NIPAL3: variants seen among roughly 807,000 people sequenced by gnomAD.
NIPAL3 encodes the protein NIPA like domain containing 3.
NIPAL3 carries 41 observed loss-of-function variants against 47.2 expected under a neutral mutation model. That is an observed-to-expected ratio of 0.87 (90% CI 0.68 to 1.13). The LOEUF is 1.13. Among genes scored for constraint, NIPAL3 ranks in the 50% most tolerant of loss-of-function variants. NIPAL3 has a pLI of 0.00. For synonymous variants in NIPAL3, 194 were observed against 209.6 expected, an observed-to-expected ratio of 0.93 and a Z score of 0.64; for missense variants, 449 against 530.1, an observed-to-expected ratio of 0.85 and a Z score of 1.50.
rs1032980356 is a variant in NIPAL3 at position 24,456,276 on chromosome 1, G to C, written c.773+3G>C. 6.2e-7 allele frequency: 1 copy of C among 1,614,082 alleles called. No individual in the cohort carries two copies. The highest frequency in any genetic ancestry group is 1.3e-5 in the African/African-American group (1 of 74,932). On this transcript the variant is annotated splice_donor_region_variant and intron_variant, in intron 8 of 11. Coordinates refer to ENST00000374399, the MANE Select transcript of NIPAL3 (RefSeq NM_020448.5). The stretch of plus-strand genomic sequence containing the variant: ...GCAACCGCCGTCTATCAGGCTGCGT[G>C]AGTTACAAATCCTTTTCCTGCTGGG...
At chr1:24,440,276 G>C in intron 3 of NIPAL3, 36 bp downstream of exon 3, 6 of 1,494,438 alleles carry the variant, frequency 4.0e-6, no homozygotes, top group South Asian at 1.3e-5. Context: ...TGGGGACAGA[G>C]ACACAGCAGA....
Position 24,416,096 on chromosome 1 carries a change from G to C in NIPAL3, c.-258+192G>C. 1 of 985,502 alleles carries C rather than the reference G, an allele frequency of 1.0e-6. No homozygotes were observed. The highest frequency in any genetic ancestry group is 4.7e-5 in the South Asian group (1 of 21,280). 61.0% of individuals were successfully genotyped at this position (985,502 alleles called of 1,614,324 possible). On this transcript the variant is annotated intron_variant, in intron 1 of 11. Transcript: ENST00000374399. This position sits in a 1 kb window ranked among gnomAD's most constrained non-coding sequence, Gnocchi z 4.8. Reference sequence around the variant, plus strand: ...TGCATCGAGGCCAAGAGGAGCGGGGGCATGGGCTACCTTACTAAAGGTGAT... The same window carrying C: ...TGCATCGAGGCCAAGAGGAGCGGGGCCATGGGCTACCTTACTAAAGGTGAT...
chr1:24,468,591 T>C lies in NIPAL3; in HGVS notation c.1022-395T>C, dbSNP rs144603263. Among the ~76,000 whole-genome samples the C allele has an allele frequency of 2.7e-3, 415 of 152,306 alleles. 4 individuals are homozygous for C. The highest frequency in any genetic ancestry group is 9.2e-3 in the African/African-American group (384 of 41,558). On this transcript the variant is annotated intron_variant, in intron 11 of 11. Coordinates refer to ENST00000374399, the MANE Select transcript of NIPAL3 (RefSeq NM_020448.5). ...TGCCCATGACACAAAAATTACCCTC[T>C]TTCCTCGACAGTGTAACAAAGTTTC...
chr1:24,446,696 A>G (rs1165316844), intron 5 of NIPAL3, among the ~76,000 whole-genome samples: 1 of 152,078 alleles, frequency 6.6e-6, no homozygotes, highest in South Asian at 2.1e-4. Flanking sequence ...GGTTGATTCT[A>G]TGTCTTTGCT....
chr1:24,453,844 A>G (rs574899500), intron 7 of NIPAL3, among the ~76,000 whole-genome samples: 1 of 152,300 alleles, frequency 6.6e-6, no homozygotes, highest in African/African-American at 2.4e-5. Context: ...GTAGTAGTAG[A>G]GCATGCCCCA....
Position 24,440,166 on chromosome 1 carries a change from T to A in NIPAL3, c.94-6T>A. 6.3e-7 allele frequency: 1 copy of A among 1,579,200 alleles called. No individual in the cohort carries two copies. Among genetic ancestry groups the A allele is most frequent in the Non-Finnish European group, 8.6e-7 (1 of 1,163,112 alleles). On this transcript the variant is annotated splice_region_variant and splice_polypyrimidine_tract_variant and intron_variant, in intron 2 of 11. Coordinates refer to ENST00000374399, the MANE Select transcript of NIPAL3 (RefSeq NM_020448.5). ...TCATGTCCACTCCTGTGAACTTTCCTTACAGGAAAACCTGATTGGCGCCCT... is the reference window on the plus strand; with the variant it reads ...TCATGTCCACTCCTGTGAACTTTCCATACAGGAAAACCTGATTGGCGCCCT...
chr1:24,456,716 T>C (rs1265422916), intron 8 of NIPAL3, among the ~76,000 whole-genome samples: 1 of 152,146 alleles, frequency 6.6e-6, no homozygotes, highest in Non-Finnish European at 1.5e-5. Context: ...CAGCAGTGGA[T>C]GGATTTTTCC....
intron 11 of NIPAL3, among the ~76,000 whole-genome samples, chr1:24,467,760 A>G (rs933764027): frequency 1.3e-5 from 2 of 152,066 alleles, no homozygotes; most frequent in Admixed American, 6.6e-5. Flanking sequence ...CAGGTGTTGT[A>G]GCTCACACCT....
chr1:24,429,675 A>G (rs1644789438), intron 2 of NIPAL3, among the ~76,000 whole-genome samples: 1 of 152,200 alleles, frequency 6.6e-6, no homozygotes, highest in Non-Finnish European at 1.5e-5. Flanking sequence ...TTGATTGGCT[A>G]CAGATAGGTG....
chr1:24,446,634 T>C (rs1645682869), intron 5 of NIPAL3, among the ~76,000 whole-genome samples: 1 of 152,220 alleles, frequency 6.6e-6, no homozygotes, highest in Non-Finnish European at 1.5e-5. Flanking sequence ...TAGTATTCCA[T>C]GGTGTATACG....
intron 4 of NIPAL3, among the ~76,000 whole-genome samples, chr1:24,443,743 T>A (rs1217412441): frequency 1.3e-5 from 2 of 152,234 alleles, no homozygotes; most frequent in South Asian, 2.1e-4. Flanking sequence ...AGTACTTTTT[T>A]AATGTAATTT....
chr1:24,418,239 T>TA (rs1171593286), intron 1 of NIPAL3, among the ~76,000 whole-genome samples: 1 of 152,224 alleles, frequency 6.6e-6, no homozygotes, highest in Non-Finnish European at 1.5e-5. Flanking sequence ...AATACATTTC[T>TA]AAAAAATGTA....
intron 8 of NIPAL3, among the ~76,000 whole-genome samples, chr1:24,457,076 T>C (rs934860503): frequency 2.0e-5 from 3 of 152,076 alleles, no homozygotes; most frequent in African/African-American, 7.2e-5. Flanking sequence ...TGTGAGAAAT[T>C]TGTGGTTGGA....
chr1:24,432,529 C>T (rs1644923554), intron 2 of NIPAL3, among the ~76,000 whole-genome samples: 1 of 152,198 alleles, frequency 6.6e-6, no homozygotes, highest in Non-Finnish European at 1.5e-5. Flanking sequence ...TTATTCAATA[C>T]CTACCCTGTT....
chr1:24,417,319 T>A (rs1644102701), intron 1 of NIPAL3, among the ~76,000 whole-genome samples: 1 of 152,208 alleles, frequency 6.6e-6, no homozygotes, highest in African/African-American at 2.4e-5. Context: ...GAGTTTGCGC[T>A]CCTCAACTCC....
At position 24,454,589 on chromosome 1, in the gene NIPAL3, T is replaced by G. The variant is rs1292863996; in HGVS notation, c.637+1085T>G. 3 of 960,230 alleles carry G rather than the reference T, an allele frequency of 3.1e-6. No individual in the cohort carries two copies. The highest frequency in any genetic ancestry group is 3.5e-5 in the African/African-American group (2 of 56,694). The allele number at this position is 960,230 out of a possible 1,614,324, so 59.5% of individuals were successfully genotyped here. The stretch of plus-strand genomic sequence containing the variant: ...AGATATAATTTACATACCATAAAGT[T>G]CACCTGTTTAAAGTATACAATTCAG... On this transcript the variant is annotated intron_variant, in intron 7 of 11. Transcript: ENST00000374399. The surrounding 1 kb of genome is among the most constrained non-coding windows in gnomAD (Gnocchi z 4.1).
intron 2 of NIPAL3, among the ~76,000 whole-genome samples, chr1:24,422,345 G>A (rs1158220072): frequency 6.6e-6 from 1 of 152,164 alleles, no homozygotes; most frequent in Non-Finnish European, 1.5e-5. Context: ...TGTCATCTCT[G>A]GGTGTGTGAT....
intron 11 of NIPAL3, among the ~76,000 whole-genome samples, chr1:24,468,024 C>T (rs933711841): frequency 2.0e-5 from 3 of 152,092 alleles, no homozygotes; most frequent in African/African-American, 7.2e-5. Context: ...CAAAAGTAAT[C>T]GGCCTGGCGA....
intron 11 of NIPAL3, chr1:24,466,104 T>C: frequency 6.2e-7 from 1 of 1,607,466 alleles, no homozygotes; most frequent in Non-Finnish European, 8.5e-7. Context: ...TTCAAGCACC[T>C]GAAAGACTTC....
Sources: gnomAD v4.1 joint callset for allele counts (sites outside exome capture counted in the v4.1 genomes callset) on GRCh38, gnomAD v4.1.1 for gene constraint, Gnocchi (gnomAD v3.1) non-coding constraint, MANE v1.5 for transcripts, NCBI Gene and HGNC (gene_info 2026-07-23, HGNC 2026-07-21) for gene names.